PCDH11X: variants seen among roughly 807,000 people sequenced by gnomAD.
The protein encoded by PCDH11X is protocadherin-11 X-linked.
A neutral mutation model predicts 53.3 loss-of-function variants in PCDH11X; 18 were observed. The ratio of observed to expected loss-of-function variants is 0.34; its 90% confidence interval spans 0.23 to 0.50. The LOEUF (loss-of-function observed/expected upper bound fraction) is 0.50. Ranked by LOEUF, PCDH11X falls within the 20% of genes least tolerant of loss-of-function variation. The pLI is 0.98. For synonymous variants in PCDH11X, 279 were observed against 393.3 expected, an observed-to-expected ratio of 0.71 and a Z score of 3.44; for missense variants, 570 against 1,032.4, an observed-to-expected ratio of 0.55 and a Z score of 6.14.
At chrX:92,444,096 T>C (rs1232568338) in intron 9 of PCDH11X, among the ~76,000 whole-genome samples, 16 of 111,191 alleles carry the variant, frequency 1.4e-4, no homozygotes, top group Non-Finnish European at 2.6e-4. Flanking sequence ...ACAGAAATAG[T>C]GTTGAATCTG....
chrX:92,300,938 G>A (rs2068708564), intron 8 of PCDH11X, among the ~76,000 whole-genome samples: 1 of 112,078 alleles, frequency 8.9e-6, no homozygotes, highest in Non-Finnish European at 1.9e-5. Context: ...GTCTAACTCT[G>A]GAGGGCTGCT....
chrX:92,257,783 G>A (rs2067627145), intron 7 of PCDH11X, among the ~76,000 whole-genome samples: 1 of 112,647 alleles, frequency 8.9e-6, no homozygotes, highest in South Asian at 3.6e-4. Context: ...TGGCTTTGCA[G>A]GGTTCAGCCC....
At chrX:92,301,055 G>A (rs1037992292) in intron 8 of PCDH11X, among the ~76,000 whole-genome samples, 10 of 110,599 alleles carry the variant, frequency 9.0e-5, no homozygotes, top group African/African-American at 3.3e-4. Flanking sequence ...TGAGAGTGTG[G>A]CTGTGGGCAA....
At chrX:92,100,495 A>T (rs1220767496) in intron 6 of PCDH11X, among the ~76,000 whole-genome samples, 1 of 110,366 alleles carries the variant, frequency 9.1e-6, no homozygotes, top group Non-Finnish European at 1.9e-5. Context: ...CAGGAAAAGG[A>T]CTTTCACAAG....
chrX:92,482,686 A>C (rs1368067563), intron 10 of PCDH11X, among the ~76,000 whole-genome samples: 1 of 109,725 alleles, frequency 9.1e-6, no homozygotes, highest in African/African-American at 3.3e-5. Context: ...CATATTTTAA[A>C]ACTTCAGTGA....
intron 7 of PCDH11X, among the ~76,000 whole-genome samples, chrX:92,217,158 A>C (rs1194339054): frequency 5.4e-5 from 6 of 110,928 alleles, no homozygotes; most frequent in South Asian, 7.8e-4. Context: ...CGAGCAAAAT[A>C]ACCAGCTAAC....
At chrX:92,441,503 G>T (rs1190513777) in intron 9 of PCDH11X, among the ~76,000 whole-genome samples, 1 of 112,184 alleles carries the variant, frequency 8.9e-6, no homozygotes, top group African/African-American at 3.2e-5. Context: ...AGTCATGGCT[G>T]AAAGGGGCCA....
chrX:91,942,582 G>A (rs968984257), intron 6 of PCDH11X, among the ~76,000 whole-genome samples: 2 of 110,387 alleles, frequency 1.8e-5, no homozygotes, highest in African/African-American at 6.6e-5. Context: ...TTCCCACAAA[G>A]GAGACGGCAA....
At chrX:92,449,788 CACCT>C (rs1391897697) in intron 9 of PCDH11X, among the ~76,000 whole-genome samples, 3 of 110,520 alleles carry the variant, frequency 2.7e-5, no homozygotes, top group African/African-American at 9.8e-5. Flanking sequence ...TCAGCTCTGT[CACCT>C]ACCTTTCTAT....
intron 6 of PCDH11X, among the ~76,000 whole-genome samples, chrX:92,122,630 A>G (rs1392943919): frequency 8.9e-6 from 1 of 112,062 alleles, no homozygotes; most frequent in Non-Finnish European, 1.9e-5. Context: ...TAATGTTTAC[A>G]TTTAAGAAAA....
At chrX:92,257,211 G>A (rs995008617) in intron 7 of PCDH11X, among the ~76,000 whole-genome samples, 4 of 111,224 alleles carry the variant, frequency 3.6e-5, no homozygotes, top group African/African-American at 1.3e-4. Flanking sequence ...TCACTATCAT[G>A]AGAGTAGCAC....
chrX:91,836,924 A>C (rs1265240254), intron 5 of PCDH11X, among the ~76,000 whole-genome samples: 10 of 110,402 alleles, frequency 9.1e-5, no homozygotes, highest in African/African-American at 3.3e-4. Flanking sequence ...AGATTTGGGT[A>C]TGTGAAATAG....
At position 91,810,478 on chromosome X, in the gene PCDH11X, T is replaced by A. The variant is rs780789921; in HGVS notation, c.-204T>A. The A allele has an allele frequency of 8.9e-6, 1 of 111,943 alleles. No individual in the cohort carries two copies. Among genetic ancestry groups the A allele is most frequent in the East Asian group, 2.8e-4 (1 of 3,554 alleles). 9.2% of individuals were successfully genotyped at this position (111,943 alleles called of 1,213,427 possible). ...AAGTGTTTTACCCCTCATAGGAAAA[T>A]CCTGTTGCGAATAAGAAGGATTCCA... On this transcript the variant is annotated 5_prime_UTR_variant, in exon 3 of 11. Coordinates refer to ENST00000682573, the MANE Select transcript of PCDH11X (RefSeq NM_032968.5).
chrX:91,820,666 C>T (rs1320402566), intron 4 of PCDH11X, among the ~76,000 whole-genome samples: 2 of 103,019 alleles, frequency 1.9e-5, no homozygotes, highest in African/African-American at 4.2e-5. Flanking sequence ...TGCAGAAGCA[C>T]TTTAGTTTAA....
intron 8 of PCDH11X, among the ~76,000 whole-genome samples, chrX:92,386,004 C>T (rs2754882): frequency 1.8e-5 from 2 of 111,717 alleles, no homozygotes; most frequent in African/African-American, 3.3e-5. Context: ...GAATCCTGTC[C>T]GGCTGTTACA....
intron 6 of PCDH11X, among the ~76,000 whole-genome samples, chrX:92,174,686 A>G (rs1178097758): frequency 8.9e-6 from 1 of 111,821 alleles, no homozygotes; most frequent in Non-Finnish European, 1.9e-5. Flanking sequence ...TAAATGTAGG[A>G]CAATTACAAT....
At chrX:92,393,826 T>G (rs1215203989) in intron 9 of PCDH11X, among the ~76,000 whole-genome samples, 1 of 110,899 alleles carries the variant, frequency 9.0e-6, no homozygotes, top group Non-Finnish European at 1.9e-5. Context: ...TACTTGGTAG[T>G]GACAGTAGTT....
At chrX:92,597,508 A>G (rs1036102429) in intron 10 of PCDH11X, among the ~76,000 whole-genome samples, 2 of 111,593 alleles carry the variant, frequency 1.8e-5, no homozygotes, top group African/African-American at 6.5e-5. Context: ...ACTATAAAAC[A>G]CTGACGAAAA....
chrX:92,580,588 C>T (rs1293376799), intron 10 of PCDH11X, among the ~76,000 whole-genome samples: 4 of 110,357 alleles, frequency 3.6e-5, no homozygotes, highest in Admixed American at 9.6e-5. Flanking sequence ...CTCCCTCTCA[C>T]AGGCCGGGAA....
Sources: allele counts gnomAD v4.1 joint callset (sites outside exome capture counted in the v4.1 genomes callset), GRCh38; gene constraint gnomAD v4.1.1; transcripts MANE v1.5; gene names NCBI Gene and HGNC (gene_info 2026-07-23, HGNC 2026-07-21).